The following ADGRG7 variants were observed in gnomAD, a reference collection of about 807,000 sequenced individuals.
The protein encoded by ADGRG7 is G-protein coupled receptor 128.
ADGRG7 carries 82 observed loss-of-function variants against 88.6 expected under a neutral mutation model. That is an observed-to-expected ratio of 0.93 (90% CI 0.77 to 1.11). The LOEUF is 1.11. Ranked by LOEUF, ADGRG7 falls within the 50% of genes most tolerant of loss-of-function variation. The pLI, the probability that ADGRG7 is intolerant of heterozygous loss-of-function variation, is 0.00. For synonymous variants in ADGRG7, 381 were observed against 345.2 expected (o/e 1.10, Z -1.15); for missense variants, 945 against 953.4 (o/e 0.99, Z 0.12).
chr3:100,656,017 T>C (rs1356631330), intron 13 of ADGRG7, 22 bp downstream of exon 13: 2 of 1,456,560 alleles, frequency 1.4e-6, no homozygotes, highest in Non-Finnish European at 9.6e-7. Flanking sequence ...TTTTTTTAAA[T>C]GTCCAATTGT....
intron 15 of ADGRG7, among the ~76,000 whole-genome samples, chr3:100,670,063 A>G (rs1368886875): frequency 6.6e-6 from 1 of 152,048 alleles, no homozygotes; most frequent in Non-Finnish European, 1.5e-5. Flanking sequence ...ATTATTAACT[A>G]TAATCACCCT....
Position 100,643,292 on chromosome 3 carries a change from C to T in ADGRG7, c.725C>T (p.Ser242Phe). The T allele has an allele frequency of 2.5e-6, 4 of 1,613,570 alleles. No individual in the cohort carries two copies. In the South Asian group the frequency reaches 3.3e-5, roughly 13 times the overall value. ...TTLIEQMETY[S>F]LSLGNQSVVE... ...CTTATTGAGCAAATGGAGACTTATT[C>T]CTTGTCTTTGGGTAATCAATCAGTG... The change falls in exon 7 of 16, where the codon TCC (serine) becomes TTC (phenylalanine). Residue 242 changes from serine to phenylalanine, a missense_variant. Transcript: ENST00000273352.
intron 13 of ADGRG7, among the ~76,000 whole-genome samples, chr3:100,656,336 T>A (rs1238732201): frequency 2.0e-5 from 3 of 152,198 alleles, no homozygotes; most frequent in Non-Finnish European, 4.4e-5. Flanking sequence ...AAAATGGGAA[T>A]AACAATAATA....
chr3:100,647,698 C>A (rs977839299), intron 10 of ADGRG7, among the ~76,000 whole-genome samples: 4 of 47,592 alleles, frequency 8.4e-5, no homozygotes, highest in Non-Finnish European at 2.8e-4. Context: ...ATCTATTATT[C>A]CGGTGAAACA....
Position 100,646,580 on chromosome 3 carries a change from A to G in ADGRG7, c.1122A>G (p.Lys374=), listed in dbSNP as rs1486513638. The G allele has an allele frequency of 6.2e-7, 1 of 1,612,920 alleles. No individual in the cohort carries two copies. Among genetic ancestry groups the G allele is most frequent in the Non-Finnish European group, 8.5e-7 (1 of 1,179,378 alleles). ...DMVFSPKYNQ[K]EFQLYSYACV... is the part of the protein sequence containing the mutation. Reference sequence around the variant, plus strand: ...TTATCAATTCATAGTACAACCAAAAAGAATTTCAACTCTATTCCTATGCCT... The same window carrying G: ...TTATCAATTCATAGTACAACCAAAAGGAATTTCAACTCTATTCCTATGCCT... The change falls in exon 10 of 16, where the codon AAA becomes AAG. Residue 374 remains lysine, a synonymous_variant. Transcript: ENST00000273352.
chr3:100,686,613 C>T (rs2094983173), intron 15 of ADGRG7, among the ~76,000 whole-genome samples: 1 of 152,190 alleles, frequency 6.6e-6, no homozygotes, highest in African/African-American at 2.4e-5. Flanking sequence ...GTTTTCCCAG[C>T]ACTATTTATT....
At chr3:100,619,071 T>A (rs377473819) in intron 1 of ADGRG7, among the ~76,000 whole-genome samples, 1 of 152,204 alleles carries the variant, frequency 6.6e-6, no homozygotes, top group East Asian at 1.9e-4. Context: ...TGATTTTGTA[T>A]CATGAGACTT....
intron 1 of ADGRG7, among the ~76,000 whole-genome samples, chr3:100,628,216 C>T (rs1707408286): frequency 6.6e-6 from 1 of 152,088 alleles, no homozygotes; most frequent in South Asian, 2.1e-4. Context: ...GAATACCTTT[C>T]AGTTTCTGCC....
rs780806433 is a variant in ADGRG7, at chr3:100,649,683, C to T, written c.1267-12C>T. On this transcript the variant is annotated splice_polypyrimidine_tract_variant and intron_variant, in intron 10 of 15. Coordinates refer to ENST00000273352, the MANE Select transcript of ADGRG7 (RefSeq NM_032787.3). Reference sequence around the variant, plus strand: ...GACTAATTAAAAATATGAGTCTTACCTTGTTTTTCAGACTTTCAAAAAGGA... The same window carrying T: ...GACTAATTAAAAATATGAGTCTTACTTTGTTTTTCAGACTTTCAAAAAGGA... The T allele has an allele frequency of 4.1e-6, 6 of 1,452,494 alleles. No individual in the cohort carries two copies. Among genetic ancestry groups the T allele is most frequent in the Non-Finnish European group, 4.8e-6 (5 of 1,035,448 alleles). The allele number at this position is 1,452,494 out of a possible 1,614,324, so 90.0% of individuals were successfully genotyped here. A position where few individuals can be genotyped will look rare whatever the true frequency, so the allele number is the denominator to read the frequency against.
At chr3:100,614,377 A>G (rs1707197404) in intron 1 of ADGRG7, among the ~76,000 whole-genome samples, 1 of 152,246 alleles carries the variant, frequency 6.6e-6, no homozygotes, top group Non-Finnish European at 1.5e-5. Flanking sequence ...ATATTTAGTC[A>G]TGCATACCAA....
At chr3:100,672,944 C>T (rs2094960528) in intron 15 of ADGRG7, among the ~76,000 whole-genome samples, 1 of 152,094 alleles carries the variant, frequency 6.6e-6, no homozygotes, top group Non-Finnish European at 1.5e-5. Context: ...TGATGTGCTG[C>T]TGGATTCAGT....
intron 14 of ADGRG7, chr3:100,665,578 T>C: frequency 2.7e-6 from 1 of 369,934 alleles, no homozygotes; most frequent in Non-Finnish European, 5.3e-6. Flanking sequence ...TAAGTATCAT[T>C]CTTCCTATAT....
chr3:100,656,758 C>T (rs988261963), intron 13 of ADGRG7, among the ~76,000 whole-genome samples: 1 of 143,840 alleles, frequency 7.0e-6, no homozygotes, highest in Admixed American at 7.3e-5. Flanking sequence ...TGGAAATGGG[C>T]AAGTACACCA....
At chr3:100,627,106 T>G (rs1707389716) in intron 1 of ADGRG7, among the ~76,000 whole-genome samples, 1 of 152,206 alleles carries the variant, frequency 6.6e-6, no homozygotes, top group Non-Finnish European at 1.5e-5. Context: ...AGCACCATGT[T>G]GAATCGAAGT....
intron 15 of ADGRG7, among the ~76,000 whole-genome samples, chr3:100,677,028 T>C (rs1306476784): frequency 1.3e-5 from 2 of 152,086 alleles, no homozygotes; most frequent in East Asian, 3.9e-4. Flanking sequence ...TGGGTCTTGT[T>C]TTTTCCTTCA....
intron 9 of ADGRG7, 191 bp downstream of exon 9, chr3:100,646,299 A>G (rs1707744531): frequency 3.2e-6 from 2 of 619,842 alleles, no homozygotes; most frequent in Middle Eastern, 4.2e-4. Flanking sequence ...TGTTGAATAA[A>G]AGAAATCTAT....
chr3:100,694,413 T>C (rs1306120794), intron 15 of ADGRG7, among the ~76,000 whole-genome samples: 1 of 152,222 alleles, frequency 6.6e-6, no homozygotes, highest in African/African-American at 2.4e-5. Flanking sequence ...AAGAATTAGG[T>C]ATTTCATAGT....
At chr3:100,678,207 G>C (rs560539348) in intron 15 of ADGRG7, among the ~76,000 whole-genome samples, 1 of 151,866 alleles carries the variant, frequency 6.6e-6, no homozygotes, top group African/African-American at 2.4e-5. Context: ...ATTCTGTTAA[G>C]AGACTCTGAT....
At position 100,638,577 on chromosome 3, in the gene ADGRG7, G is replaced by A. The variant is rs150998819; in HGVS notation, c.698+1175G>A. 3.3e-5 allele frequency among the ~76,000 whole-genome samples: 5 copies of A among 152,280 alleles called. No individual in the cohort carries two copies. The East Asian group carries it at 9.7e-4, about 29-fold the overall frequency. ...CATTATTCAGAAAGAACCAACCAAT[G>A]GGAGAGAGTGGGTAAACAGGGATTG... On this transcript the variant is annotated intron_variant, in intron 6 of 15. Coordinates refer to ENST00000273352, the MANE Select transcript of ADGRG7 (RefSeq NM_032787.3).
Sources: gnomAD v4.1 joint callset for allele counts (sites outside exome capture counted in the v4.1 genomes callset) on GRCh38, gnomAD v4.1.1 for gene constraint, MANE v1.5 for transcripts, NCBI Gene and HGNC (gene_info 2026-07-23, HGNC 2026-07-21) for gene names.